The following CCDC102B variants were observed in gnomAD, a reference collection of about 807,000 sequenced individuals.
CCDC102B encodes coiled-coil domain containing 102B.
In CCDC102B, 75 loss-of-function variants were observed where a neutral mutation model predicts 57.4. That is an observed-to-expected ratio of 1.31 (90% CI 1.08 to 1.58). CCDC102B has a LOEUF of 1.58. Ranked by LOEUF, CCDC102B falls within the 40% of genes most tolerant of loss-of-function variation. The pLI, the probability that CCDC102B is intolerant of heterozygous loss-of-function variation, is 0.00. For synonymous variants in CCDC102B, 206 were observed against 201.9 expected, an observed-to-expected ratio of 1.02 and a Z score of -0.17; for missense variants, 636 against 582.6, an observed-to-expected ratio of 1.09 and a Z score of -0.94.
At chr18:68,722,335 T>C (rs557685022) in intron 2 of CCDC102B, among the ~76,000 whole-genome samples, 1 of 152,286 alleles carries the variant, frequency 6.6e-6, no homozygotes, top group African/African-American at 2.4e-5. Context: ...GCTGCAGAAA[T>C]GCTGATGATA....
chr18:68,918,318 C>T (rs1008144853), intron 6 of CCDC102B, among the ~76,000 whole-genome samples: 9 of 152,078 alleles, frequency 5.9e-5, no homozygotes, highest in Admixed American at 3.3e-4. Flanking sequence ...CCCTGACTTC[C>T]GCTTTAACAT....
At chr18:68,733,494 A>ATG (rs1568222816) in intron 2 of CCDC102B, among the ~76,000 whole-genome samples, 8 of 89,672 alleles carry the variant, frequency 8.9e-5, no homozygotes, top group Non-Finnish European at 1.5e-4. Flanking sequence ...ATATATATAT[A>ATG]TATATATATA....
intron 2 of CCDC102B, among the ~76,000 whole-genome samples, chr18:68,733,506 A>ATATATATATATATATATATTTTTT (rs1286743067): frequency 2.3e-5 from 2 of 87,644 alleles, no homozygotes; most frequent in African/African-American, 1.1e-4. Context: ...ATATATATAT[A>ATATATATATATATATATATTTTTT]TTTTTTTAAC....
rs752341697 is a variant in CCDC102B, at chr18:68,837,184, CAG to C, written c.424_425del (p.Ser142PhefsTer11). ...MKELSTLKKK[Q>X]SLPPQKEALE... ...AGAATTGAGTACACTGAAAAAGAAA[CAG>C]AGTTTGCCACCTCAGAAGGAGGCAT... On this transcript the variant is annotated frameshift_variant, in exon 2 of 8. Transcript: ENST00000360242. LOFTEE classifies it high-confidence loss of function. 6.8e-6 allele frequency: 11 copies of C among 1,614,128 alleles called. No homozygotes were observed. The highest frequency in any genetic ancestry group is 9.3e-6 in the Non-Finnish European group (11 of 1,180,008).
In CCDC102B at chr18:68,807,174, A is replaced by G. The variant is rs140085912; in HGVS notation, c.-16+8993A>G. ...ATATTTACATACTTATGTTATTTTGATACTGAGAAGTATGTTAAAGATGGT... is the reference window on the plus strand; with the variant it reads ...ATATTTACATACTTATGTTATTTTGGTACTGAGAAGTATGTTAAAGATGGT... On this transcript the variant is annotated intron_variant, in intron 1 of 7. Coordinates refer to ENST00000360242, the MANE Select transcript of CCDC102B (RefSeq NM_024781.3). Among the ~76,000 whole-genome samples, 631 of 152,250 alleles carry G rather than the reference A, an allele frequency of 4.1e-3. 2 individuals carry two copies. Among genetic ancestry groups the G allele is most frequent in the African/African-American group, 0.014 (572 of 41,568 alleles).
At chr18:68,828,840 A>G (rs745649545) in intron 1 of CCDC102B, among the ~76,000 whole-genome samples, 30 of 151,764 alleles carry the variant, frequency 2.0e-4, no homozygotes, top group Non-Finnish European at 4.1e-4. Flanking sequence ...TCCAATCAAT[A>G]TACTGAATAA....
chr18:68,747,537 A>G (rs938245034), intron 2 of CCDC102B, among the ~76,000 whole-genome samples: 4 of 151,996 alleles, frequency 2.6e-5, no homozygotes, highest in Admixed American at 6.6e-5. Flanking sequence ...ATCCCCATCT[A>G]GCCCCTAGCA....
intron 1 of CCDC102B, among the ~76,000 whole-genome samples, chr18:68,835,993 C>T (rs1319296601): frequency 6.6e-6 from 1 of 152,174 alleles, no homozygotes; most frequent in Non-Finnish European, 1.5e-5. Context: ...GATTCAACCT[C>T]TGGGACTGGG....
At chr18:69,022,380 A>G (rs1233737131) in intron 7 of CCDC102B, among the ~76,000 whole-genome samples, 1 of 151,598 alleles carries the variant, frequency 6.6e-6, no homozygotes, top group Non-Finnish European at 1.5e-5. Flanking sequence ...CACACAATAT[A>G]CTTTTTTCTT....
At chr18:68,749,365 G>C (rs1048146791) in intron 2 of CCDC102B, among the ~76,000 whole-genome samples, 1 of 151,996 alleles carries the variant, frequency 6.6e-6, no homozygotes, top group African/African-American at 2.4e-5. Context: ...ATTACCTTGG[G>C]CAGTATGGCC....
chr18:68,742,091 G>A (rs1039180209), intron 2 of CCDC102B, among the ~76,000 whole-genome samples: 1 of 152,186 alleles, frequency 6.6e-6, no homozygotes, highest in Non-Finnish European at 1.5e-5. Context: ...CAGATTATTT[G>A]TTGCCTCACA....
intron 4 of CCDC102B, among the ~76,000 whole-genome samples, chr18:68,864,212 GA>G (rs2144891837): frequency 6.6e-6 from 1 of 151,942 alleles, no homozygotes; most frequent in African/African-American, 2.4e-5. Flanking sequence ...TTTCCCCAAG[GA>G]ATCATCTGTT....
chr18:68,976,762 A>G (rs2050448843), intron 6 of CCDC102B, among the ~76,000 whole-genome samples: 1 of 152,006 alleles, frequency 6.6e-6, no homozygotes, highest in Admixed American at 6.6e-5. Flanking sequence ...AGTTGAATGC[A>G]TAGAATTAGG....
upstream of CCDC102B, among the ~76,000 whole-genome samples, chr18:68,793,692 A>G (rs2035538963): frequency 6.6e-6 from 1 of 152,074 alleles, no homozygotes. Flanking sequence ...TCTGCTACCA[A>G]CCAGCTGTCA....
downstream of CCDC102B, among the ~76,000 whole-genome samples, chr18:69,056,143 T>G (rs148597459): frequency 2.0e-5 from 3 of 152,246 alleles, no homozygotes; most frequent in African/African-American, 7.2e-5. Context: ...GACAGGATTA[T>G]GAAAGAACAT....
intron 5 of CCDC102B, among the ~76,000 whole-genome samples, chr18:68,879,790 C>G (rs1287684334): frequency 6.6e-6 from 1 of 152,066 alleles, no homozygotes; most frequent in East Asian, 1.9e-4. Context: ...ATTCACAAAC[C>G]CTGAGCTAGA....
chr18:68,963,973 A>G (rs866433137), intron 6 of CCDC102B, among the ~76,000 whole-genome samples: 96 of 151,976 alleles, frequency 6.3e-4, no homozygotes, highest in Middle Eastern at 3.4e-3. Context: ...CTGGATCACT[A>G]CTTTCTTCCA....
chr18:68,806,711 A>G (rs1388127963), intron 1 of CCDC102B, among the ~76,000 whole-genome samples: 1 of 152,124 alleles, frequency 6.6e-6, no homozygotes, highest in Non-Finnish European at 1.5e-5. Context: ...TAAAGTAGCT[A>G]CATTTAAAAA....
At chr18:68,823,517 G>A (rs1220946869) in intron 1 of CCDC102B, 1 of 152,228 alleles carries the variant, frequency 6.6e-6, no homozygotes, top group African/African-American at 2.4e-5. Flanking sequence ...GAGCCTATGA[G>A]TGCACGTGTC....
Sources: allele counts gnomAD v4.1 joint callset (sites outside exome capture counted in the v4.1 genomes callset), GRCh38; gene constraint gnomAD v4.1.1; transcripts MANE v1.5; gene names NCBI Gene and HGNC (gene_info 2026-07-23, HGNC 2026-07-21).